Variants in NTNG1 observed in about 807,000 individuals in gnomAD.
The protein encoded by NTNG1 is netrin G1.
NTNG1 carries 16 observed loss-of-function variants against 54.0 expected under a neutral mutation model. The ratio of observed to expected loss-of-function variants is 0.30; its 90% confidence interval spans 0.20 to 0.45. The LOEUF (loss-of-function observed/expected upper bound fraction) is 0.45. Among genes scored for constraint, NTNG1 ranks in the 20% least tolerant of loss-of-function variants. The probability of loss-of-function intolerance (pLI) is 1.00; values close to 1 mark genes in which losing one functional copy is unlikely to be tolerated. For synonymous variants in NTNG1, 255 were observed against 263.1 expected, an observed-to-expected ratio of 0.97 and a Z score of 0.30; for missense variants, 530 against 678.7, an observed-to-expected ratio of 0.78 and a Z score of 2.43.
intron 7 of NTNG1, among the ~76,000 whole-genome samples, chr1:107,473,820 A>T (rs1182635621): frequency 6.6e-6 from 1 of 152,184 alleles, no homozygotes; most frequent in Non-Finnish European, 1.5e-5. Flanking sequence ...CACCTTGCTG[A>T]CTTCAGCTTT....
chr1:107,199,938 A>C (rs1658614838), intron 2 of NTNG1, among the ~76,000 whole-genome samples: 1 of 151,828 alleles, frequency 6.6e-6, no homozygotes, highest in Non-Finnish European at 1.5e-5. Context: ...TTGTTTGTTT[A>C]GTTTCTATGA....
intron 2 of NTNG1, among the ~76,000 whole-genome samples, chr1:107,161,939 GAAAAA>G (rs5776880): frequency 6.8e-6 from 1 of 147,018 alleles, no homozygotes; most frequent in Non-Finnish European, 1.5e-5. Flanking sequence ...CCATCCTGGA[GAAAAA>G]AAAAACTATT....
chr1:107,433,698 CTTTT>C (rs1407898996), intron 6 of NTNG1, among the ~76,000 whole-genome samples: 1 of 152,158 alleles, frequency 6.6e-6, no homozygotes, highest in East Asian at 1.9e-4. Flanking sequence ...TAAGGTCTAT[CTTTT>C]ATCTGTAGTG....
chr1:107,206,052 G>C (rs1215737233), intron 2 of NTNG1, among the ~76,000 whole-genome samples: 1 of 152,010 alleles, frequency 6.6e-6, no homozygotes, highest in Non-Finnish European at 1.5e-5. Context: ...ATAGTTTCCA[G>C]GGCTGCTGAA....
chr1:107,297,322 C>A (rs980296354), intron 2 of NTNG1, among the ~76,000 whole-genome samples: 2 of 148,522 alleles, frequency 1.3e-5, no homozygotes, highest in East Asian at 3.9e-4. Flanking sequence ...TGTATTCTAG[C>A]AACAAATAAA....
chr1:107,190,188 G>C (rs77862455), intron 2 of NTNG1, among the ~76,000 whole-genome samples: 1 of 152,056 alleles, frequency 6.6e-6, no homozygotes, highest in African/African-American at 2.4e-5. Context: ...ATTGTTTAAT[G>C]GGCACAGAGT....
chr1:107,394,627 T>A (rs1672566260), intron 3 of NTNG1, among the ~76,000 whole-genome samples: 1 of 152,196 alleles, frequency 6.6e-6, no homozygotes, highest in Non-Finnish European at 1.5e-5. Context: ...GAGTGCAGAA[T>A]GAGAACACTT....
In NTNG1 at chr1:107,455,083, GA is replaced by G. The variant is rs1261643516; in HGVS notation, c.1390+18285del. Among the ~76,000 whole-genome samples, 38 of 148,928 alleles carry G rather than the reference GA, an allele frequency of 2.6e-4. No homozygotes were observed. The East Asian group carries it at 6.1e-3, about 24-fold the overall frequency. On this transcript the variant is annotated intron_variant, in intron 7 of 7. Transcript: ENST00000370068. ...GACTATTTTTTTTTTTTTTTTCTGA[GA>G]CTGAGATTTGCTTTTGTCGCCCAGG...
intron 3 of NTNG1, among the ~76,000 whole-genome samples, chr1:107,348,009 A>G (rs1436361361): frequency 6.6e-6 from 1 of 152,072 alleles, no homozygotes; most frequent in Non-Finnish European, 1.5e-5. Context: ...ACACAGAGCC[A>G]AACCATATCA....
intron 7 of NTNG1, among the ~76,000 whole-genome samples, chr1:107,464,125 T>C (rs998616910): frequency 4.6e-5 from 7 of 152,186 alleles, no homozygotes; most frequent in African/African-American, 1.4e-4. Context: ...AATAGGGGCA[T>C]CAGCTTTACA....
chr1:107,358,749 A>G (rs1477369193), intron 3 of NTNG1, among the ~76,000 whole-genome samples: 1 of 152,044 alleles, frequency 6.6e-6, no homozygotes, highest in Non-Finnish European at 1.5e-5. Flanking sequence ...ATTTGAGCAT[A>G]TTTTTACCCT....
At chr1:107,319,145 C>T (rs1242912840) in intron 2 of NTNG1, among the ~76,000 whole-genome samples, 1 of 152,130 alleles carries the variant, frequency 6.6e-6, no homozygotes, top group Non-Finnish European at 1.5e-5. Context: ...TCAGCGTGAC[C>T]TGTGAACATC....
intron 7 of NTNG1, among the ~76,000 whole-genome samples, chr1:107,468,960 G>C (rs1677785640): frequency 6.6e-6 from 1 of 152,024 alleles, no homozygotes; most frequent in Non-Finnish European, 1.5e-5. Flanking sequence ...GCTAGGAGTG[G>C]TGGCGCGCGC....
At chr1:107,272,476 G>A (rs1419265998) in intron 2 of NTNG1, among the ~76,000 whole-genome samples, 13 of 152,088 alleles carry the variant, frequency 8.5e-5, no homozygotes, top group Admixed American at 8.5e-4. Context: ...GAATTCCACT[G>A]GGAACATGGT....
chr1:107,229,085 C>T (rs560167713), intron 2 of NTNG1, among the ~76,000 whole-genome samples: 2 of 152,034 alleles, frequency 1.3e-5, no homozygotes, highest in South Asian at 2.1e-4. Context: ...TAGCTGCATG[C>T]GTAACCTAGC....
intron 2 of NTNG1, among the ~76,000 whole-genome samples, chr1:107,171,644 C>T (rs143119056): frequency 3.2e-4 from 48 of 152,278 alleles, no homozygotes; most frequent in Non-Finnish European, 4.7e-4. Context: ...GTACTGCAGT[C>T]GTCCTCAGTA....
At chr1:107,243,751 A>G (rs1014362074) in intron 2 of NTNG1, among the ~76,000 whole-genome samples, 9 of 151,968 alleles carry the variant, frequency 5.9e-5, no homozygotes, top group Non-Finnish European at 1.2e-4. Flanking sequence ...GAAAGGAGCT[A>G]TGTCTCAACA....
chr1:107,379,877 A>G (rs1053549467), intron 3 of NTNG1, among the ~76,000 whole-genome samples: 1 of 152,236 alleles, frequency 6.6e-6, no homozygotes, highest in Non-Finnish European at 1.5e-5. Flanking sequence ...GAAGACCAGG[A>G]TACAAGAGAA....
At chr1:107,465,935 T>C (rs1187420819) in intron 7 of NTNG1, among the ~76,000 whole-genome samples, 3 of 152,178 alleles carry the variant, frequency 2.0e-5, no homozygotes, top group Non-Finnish European at 4.4e-5. Flanking sequence ...TTAATTTTAA[T>C]TGTGTGTGTG....
Sources: gnomAD v4.1 joint callset for allele counts (sites outside exome capture counted in the v4.1 genomes callset) on GRCh38, gnomAD v4.1.1 for gene constraint, MANE v1.5 for transcripts, NCBI Gene and HGNC (gene_info 2026-07-23, HGNC 2026-07-21) for gene names.